Variants in CEP112 observed in about 807,000 individuals in gnomAD.
CEP112 encodes centrosomal protein of 112 kDa.
CEP112 carries 127 observed loss-of-function variants against 153.0 expected under a neutral mutation model. The ratio of observed to expected loss-of-function variants is 0.83; its 90% CI spans 0.72 to 0.96. CEP112 has a LOEUF of 0.96. Ranked by LOEUF, CEP112 falls within the 40% of genes least tolerant of loss-of-function variation. CEP112 has a pLI of 0.00. For synonymous variants in CEP112, 358 were observed against 374.4 expected, an observed-to-expected ratio of 0.96 and a Z score of 0.51; for missense variants, 1,089 against 1,101.2, an observed-to-expected ratio of 0.99 and a Z score of 0.16.
chr17:65,969,639 C>T (rs186600288), intron 17 of CEP112, among the ~76,000 whole-genome samples: 3 of 152,304 alleles, frequency 2.0e-5, no homozygotes, highest in Admixed American at 2.0e-4. Context: ...ACACATATTG[C>T]AAGCATATAT....
chr17:65,877,330 C>T (rs2058869718), intron 20 of CEP112, among the ~76,000 whole-genome samples: 1 of 152,200 alleles, frequency 6.6e-6, no homozygotes, highest in Non-Finnish European at 1.5e-5. Context: ...TTTGGGAGCA[C>T]CCTCAAACAC....
chr17:66,170,633 C>T (rs1004705469), intron 4 of CEP112, among the ~76,000 whole-genome samples: 7 of 151,932 alleles, frequency 4.6e-5, no homozygotes, highest in Non-Finnish European at 7.4e-5. Context: ...CATGGTGGTA[C>T]GCACCTGTAA....
chr17:65,724,961 C>T (rs1297904057), intron 23 of CEP112, among the ~76,000 whole-genome samples: 1 of 152,158 alleles, frequency 6.6e-6, no homozygotes, highest in Non-Finnish European at 1.5e-5. Context: ...GACTTCCTTG[C>T]CCTCTTCTTC....
intron 25 of CEP112, among the ~76,000 whole-genome samples, chr17:65,638,660 G>A (rs2044914263): frequency 6.6e-6 from 1 of 152,170 alleles, no homozygotes; most frequent in African/African-American, 2.4e-5. Context: ...CCCCAACCAT[G>A]CTCTGTAATC....
rs1176982191 is a variant in CEP112, at chr17:66,191,825, C to T, written c.-9+172G>A. ...CCGGGGACACCACAGCGGGCAGCGCCGGGACCCCAGGGGCGCGCGCCCCCC... is the reference window on the plus strand; with the variant it reads ...CCGGGGACACCACAGCGGGCAGCGCTGGGACCCCAGGGGCGCGCGCCCCCC... On this transcript the variant is annotated intron_variant, in intron 1 of 26. Coordinates refer to ENST00000535342, the MANE Select transcript of CEP112 (RefSeq NM_001199165.4). This position sits in a 1 kb window ranked among gnomAD's most constrained non-coding sequence, Gnocchi z 4.2. The T allele has an allele frequency of 6.6e-6, 1 of 152,452 alleles. No homozygotes were observed. Among genetic ancestry groups the T allele is most frequent in the African/African-American group, 2.4e-5 (1 of 41,426 alleles). 9.4% of individuals were successfully genotyped at this position (152,452 alleles called of 1,614,324 possible). A position where few individuals can be genotyped will look rare whatever the true frequency, so the allele number is the denominator to read the frequency against.
intron 18 of CEP112, among the ~76,000 whole-genome samples, chr17:65,945,641 G>A (rs1158434611): frequency 1.3e-5 from 2 of 151,888 alleles, no homozygotes; most frequent in African/African-American, 4.8e-5. Context: ...AAGAAACTAA[G>A]CCCCTTTTTA....
chr17:65,639,846 T>TC (rs2143280583), intron 25 of CEP112, among the ~76,000 whole-genome samples: 1 of 144,898 alleles, frequency 6.9e-6, no homozygotes, highest in South Asian at 2.3e-4. Context: ...CTTTTTTTTT[T>TC]TTTTTTTTGA....
chr17:65,854,469 C>G (rs2058063645), intron 20 of CEP112, among the ~76,000 whole-genome samples: 1 of 152,148 alleles, frequency 6.6e-6, no homozygotes, highest in Non-Finnish European at 1.5e-5. Flanking sequence ...CCTCTCTACA[C>G]TAGACTGGAA....
At chr17:65,750,561 T>C in intron 22 of CEP112, 101 bp downstream of exon 22, 2 of 912,792 alleles carry the variant, frequency 2.2e-6, no homozygotes, top group South Asian at 1.5e-5. Flanking sequence ...AAAAAAAAAC[T>C]GAAAAGAATG....
intron 16 of CEP112, among the ~76,000 whole-genome samples, chr17:66,006,965 G>A (rs111828339): frequency 4.6e-5 from 7 of 152,212 alleles, no homozygotes; most frequent in South Asian, 4.1e-4. Context: ...CACTGAATCA[G>A]GGCTAGCCAA....
intron 20 of CEP112, among the ~76,000 whole-genome samples, chr17:65,896,678 T>C (rs1382161445): frequency 6.6e-6 from 1 of 152,004 alleles, no homozygotes; most frequent in Non-Finnish European, 1.5e-5. Context: ...CCCCCTCTAT[T>C]TGGAAAATTC....
intron 6 of CEP112, among the ~76,000 whole-genome samples, chr17:66,098,932 T>C (rs1166961156): frequency 6.6e-6 from 1 of 152,106 alleles, no homozygotes; most frequent in East Asian, 1.9e-4. Context: ...GTCCTAGTAG[T>C]GGTGGAACTA....
At chr17:65,857,541 A>G (rs2058166793) in intron 20 of CEP112, among the ~76,000 whole-genome samples, 1 of 152,170 alleles carries the variant, frequency 6.6e-6, no homozygotes, top group Non-Finnish European at 1.5e-5. Flanking sequence ...CACCTGGTCA[A>G]TGTTTATTAT....
intron 24 of CEP112, among the ~76,000 whole-genome samples, chr17:65,643,669 T>C (rs2045274927): frequency 6.6e-6 from 1 of 152,160 alleles, no homozygotes; most frequent in Non-Finnish European, 1.5e-5. Flanking sequence ...TCAGCCAGGG[T>C]GAGCTCATTG....
intron 4 of CEP112, among the ~76,000 whole-genome samples, chr17:66,151,888 T>A (rs1022643923): frequency 2.6e-5 from 4 of 152,018 alleles, no homozygotes; most frequent in Non-Finnish European, 4.4e-5. Flanking sequence ...GCCATGTCCA[T>A]GAGAAAAAAA....
intron 17 of CEP112, among the ~76,000 whole-genome samples, chr17:66,003,896 C>G (rs912663902): frequency 1.3e-5 from 2 of 152,152 alleles, no homozygotes; most frequent in East Asian, 1.9e-4. Flanking sequence ...CCACCCACCC[C>G]CTATCCATGG....
At chr17:65,863,029 A>G (rs1221549072) in intron 20 of CEP112, among the ~76,000 whole-genome samples, 1 of 152,150 alleles carries the variant, frequency 6.6e-6, no homozygotes, top group Non-Finnish European at 1.5e-5. Flanking sequence ...TCTAGTAGGC[A>G]TTTTAATTAT....
intron 9 of CEP112, among the ~76,000 whole-genome samples, chr17:66,067,778 T>C (rs977856088): frequency 1.3e-5 from 2 of 152,182 alleles, no homozygotes; most frequent in African/African-American, 2.4e-5. Context: ...CCCTAAAATA[T>C]AATTCAGAAA....
chr17:65,655,383 T>G, intron 24 of CEP112: 1 of 1,547,506 alleles, frequency 6.5e-7, no homozygotes, highest in Non-Finnish European at 8.9e-7. Context: ...GAAGCTCAAC[T>G]CCAGTAAAGA....
Sources: gnomAD v4.1 joint callset for allele counts (sites outside exome capture counted in the v4.1 genomes callset) on GRCh38, gnomAD v4.1.1 for gene constraint, Gnocchi (gnomAD v3.1) non-coding constraint, MANE v1.5 for transcripts, NCBI Gene and HGNC (gene_info 2026-07-23, HGNC 2026-07-21) for gene names.